The following CHRNA2 variants were observed in gnomAD, a reference collection of about 807,000 sequenced individuals.
CHRNA2 encodes neuronal acetylcholine receptor subunit alpha-2.
CHRNA2 carries 40 observed loss-of-function variants against 45.5 expected under a neutral mutation model. The ratio of observed to expected loss-of-function variants is 0.88; its 90% CI spans 0.68 to 1.15. CHRNA2 has a LOEUF of 1.15. CHRNA2 is among the 50% of genes most tolerant of loss of function. The pLI, the probability that CHRNA2 is intolerant of heterozygous loss-of-function variation, is 0.00. For missense variants in CHRNA2, 655 were observed against 701.7 expected (o/e 0.93, Z 0.75); for synonymous variants, 301 against 296.7 (o/e 1.01, Z -0.15).
In CHRNA2 at chr8:27,471,071, G is replaced by C. The variant is rs777302995; in HGVS notation, c.-13C>G. 1.2e-6 allele frequency: 2 copies of C among 1,612,512 alleles called. No homozygotes were observed. Among genetic ancestry groups the C allele is most frequent in the Non-Finnish European group, 1.7e-6 (2 of 1,178,586 alleles). On this transcript the variant is annotated 5_prime_UTR_variant, in exon 2 of 7. Coordinates refer to ENST00000407991, the MANE Select transcript of CHRNA2 (RefSeq NM_000742.4). ...AGGAGGGGCCCATGGCTTCTCCTGA[G>C]CATCAGGAGGTCAGGTCAGGGCTTT... is the stretch of plus-strand genomic sequence containing the variant.
chr8:27,468,070 A>G (rs918598686), intron 4 of CHRNA2, among the ~76,000 whole-genome samples: 1 of 152,232 alleles, frequency 6.6e-6, no homozygotes. Flanking sequence ...CCTCCCAGGC[A>G]TGTGGCAGTA....
intron 6 of CHRNA2, among the ~76,000 whole-genome samples, chr8:27,462,134 G>T (rs1410030405): frequency 6.6e-6 from 1 of 152,260 alleles, no homozygotes; most frequent in Non-Finnish European, 1.5e-5. Flanking sequence ...CTGCTCACAG[G>T]TTGCCTCCTC....
At chr8:27,475,883 C>G (rs139845386) in intron 1 of CHRNA2, among the ~76,000 whole-genome samples, 8 of 152,262 alleles carry the variant, frequency 5.3e-5, no homozygotes, top group Admixed American at 2.6e-4. Flanking sequence ...AGGGTGACCA[C>G]TGTATCTTAT....
rs1812459202 is a variant in CHRNA2, at chr8:27,460,926, C to T, written c.*703G>A. The T allele has an allele frequency of 6.6e-6, 1 of 152,390 alleles. No individual in the cohort carries two copies. The highest frequency in any genetic ancestry group is 2.4e-5 in the African/African-American group (1 of 41,396). The allele number at this position is 152,390 out of a possible 1,614,324, so 9.4% of individuals were successfully genotyped here. ...TGTGCTTCCAGATGGATGGAATAGC[C>T]CAGCCACCTGTATCCAACCATCCAT... On this transcript the variant is annotated 3_prime_UTR_variant, in exon 7 of 7. Coordinates refer to ENST00000407991, the MANE Select transcript of CHRNA2 (RefSeq NM_000742.4).
At position 27,459,797 on chromosome 8, in the gene CHRNA2, C is replaced by T. The variant is rs1387676262; in HGVS notation, c.*1832G>A. The T allele has an allele frequency of 6.6e-6, 1 of 152,468 alleles. No homozygotes were observed. The highest frequency in any genetic ancestry group is 2.4e-5 in the African/African-American group (1 of 41,448). The allele number at this position is 152,468 out of a possible 1,614,324, so 9.4% of individuals were successfully genotyped here. A position where few individuals can be genotyped will look rare whatever the true frequency, so the allele number is the denominator to read the frequency against. On this transcript the variant is annotated 3_prime_UTR_variant, in exon 7 of 7. Transcript: ENST00000407991. ...TGCAGCTTTATTTAATCTCTTTATT[C>T]ACATGCAAGATGGATGGGAGACATG...
In CHRNA2 at chr8:27,469,896, G is replaced by A. The variant is rs765581867; in HGVS notation, c.159C>T (p.Gly53=). 2.5e-6 allele frequency: 4 copies of A among 1,614,188 alleles called. No homozygotes were observed. The East Asian group carries it at 6.7e-5, about 27-fold the overall frequency. Residue 53 remains glycine, a synonymous_variant, in exon 3 of 7, where the codon GGC becomes GGT. Transcript: ENST00000407991. ...SPSPTALPQG[G]SHTETEDRLF... is the part of the protein sequence containing the mutation. Reference sequence around the variant, plus strand: ...GCCGGTCCTCAGTCTCGGTATGCGAGCCTCCCTGCGGCAATGCCGTGGGAC... The same window carrying A: ...GCCGGTCCTCAGTCTCGGTATGCGAACCTCCCTGCGGCAATGCCGTGGGAC...
chr8:27,470,248 C>G (rs1812836188), intron 2 of CHRNA2, among the ~76,000 whole-genome samples: 1 of 152,146 alleles, frequency 6.6e-6, no homozygotes, highest in African/African-American at 2.4e-5. Context: ...GGAAACGAAT[C>G]TAGAGACAAG....
At position 27,463,057 on chromosome 8, in the gene CHRNA2, T is replaced by G; in HGVS notation, c.1386A>C (p.Leu462=). ...CCAGTGCCTTCTGCATGTGGGGTGA[T>G]AGCAGCAGCTCACCCTCCTGCAGCA... is the stretch of plus-strand genomic sequence containing the variant. ...EALLQEGELL[L]SPHMQKALEG... The change falls in exon 6 of 7, where the codon CTA becomes CTC. Residue 462 remains leucine (L), a synonymous_variant. Transcript: ENST00000407991. This position sits in a 1 kb window ranked among gnomAD's most constrained non-coding sequence, Gnocchi z 6.1. 6.2e-7 allele frequency: 1 copy of G among 1,613,470 alleles called. No homozygotes were observed. Among genetic ancestry groups the G allele is most frequent in the Non-Finnish European group, 8.5e-7 (1 of 1,179,476 alleles).
chr8:27,473,941 C>T (rs553389652), intron 1 of CHRNA2, among the ~76,000 whole-genome samples: 1 of 152,298 alleles, frequency 6.6e-6, no homozygotes, highest in East Asian at 1.9e-4. Flanking sequence ...TGGCAAATGT[C>T]GCTTTGAGTC....
chr8:27,469,427 C>T (rs1256624767), intron 3 of CHRNA2, 48 bp from the exon 4 acceptor site: 1 of 1,539,902 alleles, frequency 6.5e-7, no homozygotes. Context: ...GGGCCCAGCC[C>T]CAGAAGACAG....
At chr8:27,467,163 G>T (rs758535216) in intron 5 of CHRNA2, 66 bp downstream of exon 5, 142 of 1,300,462 alleles carry the variant, frequency 1.1e-4, no homozygotes, top group Non-Finnish European at 1.6e-4. Context: ...CCCCTCCCAA[G>T]GCCATGGACC....
chr8:27,467,228 CTTG>C lies in CHRNA2; in HGVS notation c.447_449del (p.Asn150del), dbSNP rs758217117. On this transcript the variant is annotated inframe_deletion and splice_region_variant, in exon 5 of 7. Coordinates refer to ENST00000407991, the MANE Select transcript of CHRNA2 (RefSeq NM_000742.4). ...CCCCCAGGACCCCAATGGCTTCCTACTTGTTGTAGAGAACAATGTCGGGGATCC... is the reference window on the plus strand; with the variant it reads ...CCCCCAGGACCCCAATGGCTTCCTACTTGTAGAGAACAATGTCGGGGATCC... The C allele has an allele frequency of 9.9e-6, 16 of 1,611,620 alleles. No individual in the cohort carries two copies. In the Admixed American group the frequency reaches 1.0e-4, roughly 10 times the overall value.
intron 5 of CHRNA2, among the ~76,000 whole-genome samples, chr8:27,465,721 G>A (rs766620110): frequency 1.3e-5 from 2 of 152,086 alleles, no homozygotes; most frequent in Non-Finnish European, 2.9e-5. Flanking sequence ...GAGCCACCGC[G>A]CCCAGGCAAA....
Position 27,469,814 on chromosome 8 carries a change from A to C in CHRNA2, c.241T>G (p.Ser81Ala). The C allele has an allele frequency of 6.2e-7, 1 of 1,614,164 alleles. No homozygotes were observed. Among genetic ancestry groups the C allele is most frequent in the Non-Finnish European group, 8.5e-7 (1 of 1,180,032 alleles). The change falls in exon 3 of 7, where the codon TCA becomes GCA. Residue 81 changes from serine to alanine, a missense_variant. Physicochemically the swap from Ser to Ala is moderately conservative, Grantham distance 99. Around this residue, in one of 3 missense-constraint regions of CHRNA2, gnomAD observed 323 missense variants for 354.4 expected, o/e 0.91. Transcript: ENST00000407991. ...NRWARPVPNT[S>A]DVVIVRFGLS... ...CCAAAGCGCACAATCACCACGTCTG[A>C]AGTGTTGGGCACCGGGCGCGCCCAG...
At position 27,461,487 on chromosome 8, in the gene CHRNA2, GC is replaced by G. The variant is rs759372688; in HGVS notation, c.*141del. ...TACAATAACGTTAAGCTGGATGGAA[GC>G]CTGCAATCCCTGGGTCAGTGTCCAG... On this transcript the variant is annotated 3_prime_UTR_variant, in exon 7 of 7. Transcript: ENST00000407991. 9 of 1,161,730 alleles carry G rather than the reference GC, an allele frequency of 7.7e-6. No individual in the cohort carries two copies. The highest frequency in any genetic ancestry group is 1.1e-5 in the Non-Finnish European group (9 of 811,050). The allele number at this position is 1,161,730 out of a possible 1,614,324, so 72.0% of individuals were successfully genotyped here.
chr8:27,473,701 C>T (rs1812971480), intron 1 of CHRNA2, among the ~76,000 whole-genome samples: 1 of 151,736 alleles, frequency 6.6e-6, no homozygotes, highest in Non-Finnish European at 1.5e-5. Context: ...AGCAAGATCC[C>T]ATCTCAAAAA....
At chr8:27,476,838 C>T (rs563210614) in intron 1 of CHRNA2, among the ~76,000 whole-genome samples, 1 of 152,128 alleles carries the variant, frequency 6.6e-6, no homozygotes, top group South Asian at 2.1e-4. Context: ...TTTCAGAATC[C>T]CCCTTGATGT....
At position 27,461,752 on chromosome 8, in the gene CHRNA2, C is replaced by G; in HGVS notation, c.1467G>C (p.Val489=). ...TGGCAACATACTTCCAGTCCTCCTT[C>G]ACCTGTGGGGAAGACAGCACACAGT... The part of the protein sequence containing the change: ...HLRSEDADSS[V]KEDWKYVAMV... The change falls in exon 7 of 7, where the codon GTG becomes GTC. Residue 489 remains valine (V), a splice_region_variant and synonymous_variant. Transcript: ENST00000407991. 1 of 1,614,108 alleles carries G rather than the reference C, an allele frequency of 6.2e-7. No individual in the cohort carries two copies. Among genetic ancestry groups the G allele is most frequent in the Non-Finnish European group, 8.5e-7 (1 of 1,179,946 alleles).
chr8:27,464,430 T>G (rs965377971), intron 5 of CHRNA2, among the ~76,000 whole-genome samples: 12 of 152,152 alleles, frequency 7.9e-5, no homozygotes, highest in African/African-American at 2.2e-4. Flanking sequence ...AAGAGTTGAA[T>G]AGACACAAGG....
Sources: allele counts gnomAD v4.1 joint callset (sites outside exome capture counted in the v4.1 genomes callset), GRCh38; gene constraint gnomAD v4.1.1; regional missense constraint gnomAD v4.1.1; non-coding constraint Gnocchi (gnomAD v3.1); transcripts MANE v1.5; gene names NCBI Gene and HGNC (gene_info 2026-07-23, HGNC 2026-07-21).